Variants in SNX8 observed in about 807,000 individuals in gnomAD.
SNX8 encodes sorting nexin-8.
SNX8 carries 25 observed loss-of-function variants against 51.6 expected under a neutral mutation model. The ratio of observed to expected loss-of-function variants is 0.48; its 90% CI spans 0.35 to 0.68. The LOEUF (loss-of-function observed/expected upper bound fraction) is 0.68, where lower values mean the gene tolerates loss of function less well. Ranked by LOEUF, SNX8 falls within the 30% of genes least tolerant of loss-of-function variation. SNX8 has a pLI of 0.00. For synonymous variants in SNX8, 324 were observed against 277.0 expected, an observed-to-expected ratio of 1.17 and a Z score of -1.68; for missense variants, 695 against 624.0, an observed-to-expected ratio of 1.11 and a Z score of -1.21.
chr7:2,317,369 C>A (rs2115220526), upstream of SNX8, among the ~76,000 whole-genome samples: 1 of 144,620 alleles, frequency 6.9e-6, no homozygotes, highest in South Asian at 2.2e-4. Context: ...ACCTCCGCCT[C>A]CCAGGTCAAG....
chr7:2,334,705 A>G (rs1487436362), intron 1 of SNX8, among the ~76,000 whole-genome samples: 1 of 151,498 alleles, frequency 6.6e-6, no homozygotes, highest in East Asian at 1.9e-4. Context: ...GTCTCAAAAA[A>G]CAAAAACAAA....
chr7:2,329,904 C>T (rs1445673549), intron 1 of SNX8, among the ~76,000 whole-genome samples: 1 of 151,248 alleles, frequency 6.6e-6, no homozygotes, highest in Non-Finnish European at 1.5e-5. Context: ...CTCGGCTCAC[C>T]GCAACCTCCG....
chr7:2,257,071 G>T, intron 9 of SNX8, 48 bp from the exon 10 acceptor site: 2 of 1,544,518 alleles, frequency 1.3e-6, no homozygotes, highest in South Asian at 1.2e-5. Flanking sequence ...CCGGCGACGG[G>T]AGCACCAAGG....
At chr7:2,321,533 TC>T (rs1468159704) in intron 1 of SNX8, among the ~76,000 whole-genome samples, 9 of 150,068 alleles carry the variant, frequency 6.0e-5, no homozygotes, top group Non-Finnish European at 1.3e-4. Context: ...TTCATGCCAT[TC>T]TCCTGCCTCA....
In SNX8 at chr7:2,263,497, G is replaced by A. The variant is rs537899920; in HGVS notation, c.783-135C>T. ...CCGTCCTAGGACCCTGCTGCTCAAA[G>A]AGTGGCCTGTGGGGACCCTGGGAGC... On this transcript the variant is annotated intron_variant, in intron 6 of 10. Coordinates refer to ENST00000222990, the MANE Select transcript of SNX8 (RefSeq NM_013321.4). 4.4e-5 allele frequency: 40 copies of A among 899,520 alleles called. No individual in the cohort carries two copies. The African/African-American group carries it at 6.6e-4, about 15-fold the overall frequency. The allele number at this position is 899,520 out of a possible 1,614,324, so 55.7% of individuals were successfully genotyped here.
At chr7:2,267,150 C>T (rs1795483612) in intron 5 of SNX8, among the ~76,000 whole-genome samples, 1 of 152,206 alleles carries the variant, frequency 6.6e-6, no homozygotes, top group Non-Finnish European at 1.5e-5. Context: ...TGTGTCGGAG[C>T]AACTGAAACG....
At position 2,286,517 on chromosome 7, in the gene SNX8, T is replaced by C. The variant is rs1307290105; in HGVS notation, c.95-8212A>G. On this transcript the variant is annotated intron_variant, in intron 1 of 10. Coordinates refer to ENST00000222990, the MANE Select transcript of SNX8 (RefSeq NM_013321.4). Reference sequence around the variant, plus strand: ...GCTGTAATGTGCCATACGGGCTATTTTATAATTTTTTTTTTTTTTTAATGG... The same window carrying C: ...GCTGTAATGTGCCATACGGGCTATTCTATAATTTTTTTTTTTTTTTAATGG... Among the ~76,000 whole-genome samples the C allele has an allele frequency of 4.5e-5, 6 of 133,492 alleles. No homozygotes were observed. The South Asian group carries it at 1.0e-3, about 22-fold the overall frequency. The allele number at this position is 133,492 out of a possible 152,430, so 87.6% of individuals were successfully genotyped here. A position where few individuals can be genotyped will look rare whatever the true frequency, so the allele number is the denominator to read the frequency against.
intron 1 of SNX8, among the ~76,000 whole-genome samples, chr7:2,343,745 G>T (rs771176495): frequency 3.3e-5 from 5 of 151,954 alleles, no homozygotes; most frequent in Admixed American, 6.6e-5. Context: ...TGAGCCAAAT[G>T]CAGTGGCTCA....
At chr7:2,344,335 T>C (rs1191011789) in intron 1 of SNX8, among the ~76,000 whole-genome samples, 1 of 151,568 alleles carries the variant, frequency 6.6e-6, no homozygotes. Flanking sequence ...AAAAAAATTA[T>C]AGACAGTGGC....
At chr7:2,269,445 C>A in intron 5 of SNX8, 114 bp downstream of exon 5, 3 of 502,466 alleles carry the variant, frequency 6.0e-6, no homozygotes, top group Non-Finnish European at 1.0e-5. Context: ...TGCTGACCTT[C>A]CCTCCACTAT....
At chr7:2,300,903 A>G (rs1022096482) in intron 1 of SNX8, among the ~76,000 whole-genome samples, 4 of 152,168 alleles carry the variant, frequency 2.6e-5, no homozygotes, top group African/African-American at 9.6e-5. Context: ...TTGGCCTCCC[A>G]AAGTGCTGGG....
At chr7:2,304,038 G>A (rs1796482367) in intron 1 of SNX8, among the ~76,000 whole-genome samples, 1 of 150,988 alleles carries the variant, frequency 6.6e-6, no homozygotes, top group Non-Finnish European at 1.5e-5. Flanking sequence ...GTGGTGGCGG[G>A]CGCCTGTAGT....
chr7:2,353,320 G>A (rs1047903614), intron 1 of SNX8, among the ~76,000 whole-genome samples: 5 of 152,118 alleles, frequency 3.3e-5, no homozygotes, highest in Non-Finnish European at 5.9e-5. Context: ...GGAAGGTCCC[G>A]ATTGCAGCGG....
intron 1 of SNX8, among the ~76,000 whole-genome samples, chr7:2,313,889 T>C (rs559910779): frequency 3.0e-4 from 46 of 152,162 alleles, no homozygotes; most frequent in African/African-American, 9.6e-4. Flanking sequence ...CGACAGGAGC[T>C]TGGGAGAGAG....
At chr7:2,349,635 C>G (rs1309492384) in intron 1 of SNX8, among the ~76,000 whole-genome samples, 1 of 151,740 alleles carries the variant, frequency 6.6e-6, no homozygotes, top group African/African-American at 2.4e-5. Context: ...TGAGATTTCA[C>G]CATGTTGTCT....
At chr7:2,273,792 TAC>T in intron 3 of SNX8, among the ~76,000 whole-genome samples, 1 of 150,202 alleles carries the variant, frequency 6.7e-6, no homozygotes, top group Non-Finnish European at 1.5e-5. Flanking sequence ...TAGTCCCAGC[TAC>T]GCGGGAGGCT....
At chr7:2,288,347 TAAAAAAAAAA>T (rs538014195) in intron 1 of SNX8, 4 of 120,506 alleles carry the variant, frequency 3.3e-5, no homozygotes, top group Admixed American at 9.1e-5. Context: ...AAGACTGTCT[TAAAAAAAAAA>T]AAAAAAAAAA....
chr7:2,282,094 G>T (rs1795919490), intron 1 of SNX8, among the ~76,000 whole-genome samples: 2 of 152,244 alleles, frequency 1.3e-5, no homozygotes, highest in African/African-American at 2.4e-5. Context: ...TCAGAATTCA[G>T]TGAGGTGGGA....
intron 1 of SNX8, among the ~76,000 whole-genome samples, chr7:2,301,387 G>A (rs1005556811): frequency 2.6e-5 from 4 of 152,168 alleles, no homozygotes; most frequent in Non-Finnish European, 5.9e-5. Context: ...TAGCCCAGAG[G>A]CTTCTAGGCT....
Sources: allele counts gnomAD v4.1 joint callset (sites outside exome capture counted in the v4.1 genomes callset), GRCh38; gene constraint gnomAD v4.1.1; transcripts MANE v1.5; gene names NCBI Gene and HGNC (gene_info 2026-07-23, HGNC 2026-07-21).